The following FAP variants were observed in gnomAD, a reference collection of about 807,000 sequenced individuals.
The protein encoded by FAP is prolyl endopeptidase FAP.
FAP carries 110 observed loss-of-function variants against 126.5 expected under a neutral mutation model. The ratio of observed to expected loss-of-function variants is 0.87; its 90% CI spans 0.74 to 1.02. The LOEUF is 1.02. FAP is among the 50% of genes least tolerant of loss of function. FAP has a pLI of 0.00. For synonymous variants in FAP, 334 were observed against 297.3 expected (o/e 1.12, Z -1.27); for missense variants, 919 against 909.2 (o/e 1.01, Z -0.14).
At chr2:162,175,170 G>C (rs1687441443) in intron 21 of FAP, 2 of 474,162 alleles carry the variant, frequency 4.2e-6, no homozygotes, top group Non-Finnish European at 7.7e-6. Context: ...TAATTCATTA[G>C]AAATACTTGG....
intron 9 of FAP, among the ~76,000 whole-genome samples, chr2:162,216,997 T>G (rs1459870891): frequency 6.6e-6 from 1 of 152,244 alleles, no homozygotes; most frequent in Non-Finnish European, 1.5e-5. Context: ...AGATCTGAGT[T>G]CTTTTACATC....
intron 12 of FAP, among the ~76,000 whole-genome samples, chr2:162,207,740 T>C (rs1576168615): frequency 6.7e-6 from 1 of 149,950 alleles, no homozygotes; most frequent in East Asian, 2.0e-4. Flanking sequence ...AGACAGAGTC[T>C]CGCTCTGTCG....
At chr2:162,217,806 A>C (rs1689211015) in intron 9 of FAP, among the ~76,000 whole-genome samples, 180 bp downstream of exon 9, 1 of 152,174 alleles carries the variant, frequency 6.6e-6, no homozygotes, top group Non-Finnish European at 1.5e-5. Flanking sequence ...CATCCAGCAC[A>C]ACCAGATGTC....
intron 6 of FAP, chr2:162,221,734 G>A (rs1170356357): frequency 2.2e-6 from 1 of 456,588 alleles, no homozygotes; most frequent in East Asian, 6.9e-5. Flanking sequence ...GTCACTAAAG[G>A]TATGAGAAAA....
chr2:162,226,281 C>T (rs1484949029), intron 3 of FAP, among the ~76,000 whole-genome samples: 1 of 152,110 alleles, frequency 6.6e-6, no homozygotes, highest in East Asian at 1.9e-4. Flanking sequence ...ATTATTTCAA[C>T]AATGCATTTT....
At chr2:162,204,571 G>A (rs570778536) in intron 12 of FAP, among the ~76,000 whole-genome samples, 19 of 152,246 alleles carry the variant, frequency 1.2e-4, no homozygotes, top group South Asian at 2.1e-4. Context: ...AAAGTGATAC[G>A]GCTGTTAAAC....
intron 7 of FAP, 131 bp from the exon 8 acceptor site, chr2:162,219,314 AT>A: frequency 1.2e-6 from 1 of 812,532 alleles, no homozygotes; most frequent in South Asian, 2.1e-5. Flanking sequence ...CTAAAATACC[AT>A]TTTAATAGGT....
chr2:162,193,213 A>T (rs1002572653), intron 17 of FAP, among the ~76,000 whole-genome samples: 1 of 152,218 alleles, frequency 6.6e-6, no homozygotes, highest in Non-Finnish European at 1.5e-5. Context: ...TTACTATTAA[A>T]AATACAAATT....
intron 14 of FAP, among the ~76,000 whole-genome samples, chr2:162,202,057 C>T (rs2106246902): frequency 6.6e-6 from 1 of 152,354 alleles, no homozygotes; most frequent in East Asian, 1.9e-4. Flanking sequence ...TGAGCCTGGA[C>T]TAATGGTCCT....
chr2:162,224,345 G>C, intron 5 of FAP, 121 bp downstream of exon 5: 1 of 617,944 alleles, frequency 1.6e-6, no homozygotes, highest in African/African-American at 1.9e-5. Context: ...AAGATTATTG[G>C]TGACGAGGGC....
intron 2 of FAP, among the ~76,000 whole-genome samples, chr2:162,233,994 C>A (rs1690004121): frequency 6.6e-6 from 1 of 152,092 alleles, no homozygotes; most frequent in South Asian, 2.1e-4. Flanking sequence ...TCTTGGCATC[C>A]TCATCAAAAA....
intron 15 of FAP, among the ~76,000 whole-genome samples, chr2:162,199,549 C>T (rs1401985462): frequency 6.6e-6 from 1 of 152,182 alleles, no homozygotes. Flanking sequence ...AATACACAGA[C>T]TCAGGGACCT....
chr2:162,175,884 G>C (rs1687466811), intron 21 of FAP: 1 of 152,070 alleles, frequency 6.6e-6, no homozygotes, highest in Non-Finnish European at 1.5e-5. Context: ...TGCTTCTCCT[G>C]GGAACGTGGA....
intron 17 of FAP, 138 bp downstream of exon 17, chr2:162,194,563 T>C (rs1688171085): frequency 1.4e-6 from 1 of 716,740 alleles, no homozygotes. Context: ...ATCTGTGCAA[T>C]AATAAGTGAT....
chr2:162,202,840 G>A, intron 14 of FAP, 32 bp downstream of exon 14: 1 of 1,554,416 alleles, frequency 6.4e-7, no homozygotes, highest in Non-Finnish European at 8.9e-7. Flanking sequence ...ATTAAAACCT[G>A]AATGGTGCAT....
At chr2:162,241,511 G>A (rs1474050178) in intron 2 of FAP, among the ~76,000 whole-genome samples, 1 of 152,160 alleles carries the variant, frequency 6.6e-6, no homozygotes, top group African/African-American at 2.4e-5. Context: ...GGAGGCAAGT[G>A]CCCTATAAAA....
chr2:162,190,416 A>G (rs1169881297), intron 17 of FAP, among the ~76,000 whole-genome samples: 1 of 152,000 alleles, frequency 6.6e-6, no homozygotes, highest in East Asian at 1.9e-4. Context: ...ACACACACAA[A>G]CACACACTAT....
intron 16 of FAP, chr2:162,197,511 T>C (rs963644007): frequency 2.2e-6 from 1 of 456,218 alleles, no homozygotes; most frequent in African/African-American, 2.0e-5. Context: ...CAACAATCTC[T>C]TGACATTTCA....
Position 162,189,153 on chromosome 2 carries a change from A to G in FAP, c.1569T>C (p.Ile523=). 6.2e-7 allele frequency: 1 copy of G among 1,603,796 alleles called. No individual in the cohort carries two copies. The highest frequency in any genetic ancestry group is 1.1e-5 in the South Asian group (1 of 89,866). Residue 523 remains isoleucine, a synonymous_variant, in exon 19 of 26, where the codon ATT becomes ATC. Transcript: ENST00000188790. ...VDEITLWYKM[I]LPPQFDRSKK... Reference sequence around the variant, plus strand: ...TTGATCTGTCAAATTGAGGAGGAAGAATCATCTTGTACCATAAAGCTTTGA... The same window carrying G: ...TTGATCTGTCAAATTGAGGAGGAAGGATCATCTTGTACCATAAAGCTTTGA...
Sources: allele counts gnomAD v4.1 joint callset (sites outside exome capture counted in the v4.1 genomes callset), GRCh38; gene constraint gnomAD v4.1.1; transcripts MANE v1.5; gene names NCBI Gene and HGNC (gene_info 2026-07-23, HGNC 2026-07-21).